Variants in SUZ12 observed in about 807,000 individuals in gnomAD.
The protein encoded by SUZ12 is polycomb protein SUZ12.
Under a neutral mutation model 87.3 loss-of-function variants are expected in SUZ12, and 17 were observed. The observed-to-expected ratio is 0.19, with a 90% CI of 0.13 to 0.29. The LOEUF (loss-of-function observed/expected upper bound fraction) is 0.29. Ranked by LOEUF, SUZ12 falls within the 10% of genes least tolerant of loss-of-function variation. SUZ12 has a pLI of 1.00. For synonymous variants in SUZ12, 253 were observed against 312.4 expected (o/e 0.81, Z 2.01); for missense variants, 526 against 912.2 (o/e 0.58, Z 5.45).
rs1450450787 is a variant in SUZ12 at position 31,993,247 on chromosome 17, A to G, written c.1207A>G (p.Lys403Glu). 1 of 1,569,604 alleles carries G rather than the reference A, an allele frequency of 6.4e-7. No homozygotes were observed. The highest frequency in any genetic ancestry group is 2.2e-5 in the Admixed American group (1 of 45,818). ...SVKPTQTIAV[K>E]ESLTTDLQTR... ...ATAAAAGTGTATGTTTTCAGCTGTTAAAGAATCATTGACTACAGATCTACA... is the reference window on the plus strand; with the variant it reads ...ATAAAAGTGTATGTTTTCAGCTGTTGAAGAATCATTGACTACAGATCTACA... Residue 403 changes from lysine (K) to glutamate (E), a missense_variant, in exon 11 of 16, where the codon AAA becomes GAA. Lys to Glu is a moderately conservative substitution (Grantham distance 56). Coordinates refer to ENST00000322652, the MANE Select transcript of SUZ12 (RefSeq NM_015355.4).
chr17:31,963,558 T>C (rs2428336), intron 4 of SUZ12, among the ~76,000 whole-genome samples: 22,524 of 151,402 alleles, frequency 0.15, 1,193 homozygotes, highest in African/African-American at 0.2. Context: ...AGTGCAGTGG[T>C]GCGATCTTGG....
In SUZ12 at chr17:31,975,478, G is replaced by T. The variant is rs1468399893; in HGVS notation, c.592-4G>T. On this transcript the variant is annotated splice_region_variant and splice_polypyrimidine_tract_variant and intron_variant, in intron 6 of 15. Transcript: ENST00000322652. ...ATATAAATTAATAATGTTTACCTTT[G>T]CAGGATGTAAGTTGTCCAATAAGGC... 2 of 1,591,230 alleles carry T rather than the reference G, an allele frequency of 1.3e-6. No homozygotes were observed. The highest frequency in any genetic ancestry group is 1.7e-6 in the Non-Finnish European group (2 of 1,167,448).
At chr17:31,975,929 A>G (rs1908721529) in intron 7 of SUZ12, among the ~76,000 whole-genome samples, 1 of 152,220 alleles carries the variant, frequency 6.6e-6, no homozygotes, top group East Asian at 1.9e-4. Context: ...CTTAGATTCA[A>G]CAATGAACAT....
At chr17:31,961,348 A>C (rs1403609730) in intron 4 of SUZ12, among the ~76,000 whole-genome samples, 1 of 152,210 alleles carries the variant, frequency 6.6e-6, no homozygotes, top group Non-Finnish European at 1.5e-5. Context: ...GGAGTTCTAG[A>C]CCAGCCTGGC....
intron 8 of SUZ12, among the ~76,000 whole-genome samples, chr17:31,982,694 T>C (rs1459129520): frequency 6.6e-6 from 1 of 152,112 alleles, no homozygotes; most frequent in Non-Finnish European, 1.5e-5. Context: ...AGCCTGTACT[T>C]ACGCTTTATA....
At chr17:31,946,118 G>A (rs1402102889) in intron 3 of SUZ12, among the ~76,000 whole-genome samples, 1 of 151,994 alleles carries the variant, frequency 6.6e-6, no homozygotes, top group Non-Finnish European at 1.5e-5. Context: ...TCTTTACTAT[G>A]GAGGCTCTTC....
At chr17:31,985,265 T>A (rs1468251935) in intron 9 of SUZ12, among the ~76,000 whole-genome samples, 1 of 151,930 alleles carries the variant, frequency 6.6e-6, no homozygotes, top group African/African-American at 2.4e-5. Context: ...ATTCAAATTT[T>A]ATATTTTTGT....
chr17:31,970,558 G>T (rs1377104530), intron 5 of SUZ12, among the ~76,000 whole-genome samples: 2 of 151,944 alleles, frequency 1.3e-5, no homozygotes, highest in Non-Finnish European at 1.5e-5. Context: ...AACCTGGGAG[G>T]TGCAGGCTGC....
chr17:31,964,999 G>A (rs1908005227), intron 4 of SUZ12, among the ~76,000 whole-genome samples: 1 of 150,472 alleles, frequency 6.6e-6, no homozygotes, highest in Admixed American at 6.6e-5. Flanking sequence ...AAGAAAAAGA[G>A]GAGTCCTGGT....
At chr17:31,993,469 T>A (rs1909824225) in intron 11 of SUZ12, 136 bp downstream of exon 11, 1 of 655,936 alleles carries the variant, frequency 1.5e-6, no homozygotes, top group South Asian at 1.9e-5. Flanking sequence ...TTGCCCAGGC[T>A]GGAGTGCAGT....
intron 3 of SUZ12, among the ~76,000 whole-genome samples, chr17:31,945,012 T>TG (rs1473137603): frequency 7.1e-5 from 10 of 141,340 alleles, no homozygotes; most frequent in African/African-American, 2.6e-4. Flanking sequence ...AAGGTTGCTA[T>TG]GAATGTGCCG....
chr17:31,952,956 C>T (rs1907078526), intron 4 of SUZ12, among the ~76,000 whole-genome samples: 1 of 152,174 alleles, frequency 6.6e-6, no homozygotes. Flanking sequence ...ATCTGAGTTG[C>T]TTCCAAGTGT....
At chr17:31,995,928 A>C (rs749006502) in intron 14 of SUZ12, among the ~76,000 whole-genome samples, 166 bp downstream of exon 14, 12 of 152,084 alleles carry the variant, frequency 7.9e-5, no homozygotes, top group Non-Finnish European at 1.3e-4. Context: ...AAGTTAACCA[A>C]GTTAGGCTGG....
chr17:31,942,396 C>T (rs1201827439), intron 3 of SUZ12, among the ~76,000 whole-genome samples: 5 of 150,718 alleles, frequency 3.3e-5, no homozygotes, highest in African/African-American at 4.9e-5. Context: ...AGTGCAATGG[C>T]GCAATCTTGG....
At position 32,000,644 on chromosome 17, in the gene SUZ12, A is replaced by AG. The variant is rs1437272344; in HGVS notation, c.*1641_*1642insG. On this transcript the variant is annotated 3_prime_UTR_variant, in exon 16 of 16. Coordinates refer to ENST00000322652, the MANE Select transcript of SUZ12 (RefSeq NM_015355.4). ...CTGTGCACATATGTAAAAAAAAAAA[A>AG]AAAAAGATTATTTTAGGGGAGATGT... 1 of 232,580 alleles carries AG rather than the reference A, an allele frequency of 4.3e-6. No homozygotes were observed. The highest frequency in any genetic ancestry group is 8.5e-6 in the Non-Finnish European group (1 of 117,584). 14.4% of individuals were successfully genotyped at this position (232,580 alleles called of 1,614,324 possible).
intron 4 of SUZ12, among the ~76,000 whole-genome samples, chr17:31,960,154 G>A (rs1296498365): frequency 6.6e-6 from 1 of 152,036 alleles, no homozygotes; most frequent in African/African-American, 2.4e-5. Flanking sequence ...CTTTTCCTTG[G>A]AACAAACCAC....
Position 31,954,036 on chromosome 17 carries a change from A to C in SUZ12, c.455+6351A>C, listed in dbSNP as rs148261793. Among the ~76,000 whole-genome samples the C allele has an allele frequency of 2.0e-5, 3 of 150,558 alleles. No homozygotes were observed. The East Asian group carries it at 6.0e-4, about 30-fold the overall frequency. On this transcript the variant is annotated intron_variant, in intron 4 of 15. Coordinates refer to ENST00000322652, the MANE Select transcript of SUZ12 (RefSeq NM_015355.4). ...TCATTTTTATTTTTAGTAGGTTGAT[A>C]AGTCAGTGTGCCTTTTTTGACTATT... is the stretch of plus-strand genomic sequence containing the variant.
chr17:31,959,892 T>C (rs1001287133), intron 4 of SUZ12, among the ~76,000 whole-genome samples: 4 of 152,208 alleles, frequency 2.6e-5, no homozygotes, highest in African/African-American at 7.2e-5. Flanking sequence ...TTTCAAATTC[T>C]TTACCTGATT....
chr17:31,977,619 A>T (rs1157421344), intron 8 of SUZ12, among the ~76,000 whole-genome samples: 1 of 151,636 alleles, frequency 6.6e-6, no homozygotes, highest in Non-Finnish European at 1.5e-5. Context: ...GGCCGGGCGC[A>T]GTGGCTCACG....
Sources: allele counts gnomAD v4.1 joint callset (sites outside exome capture counted in the v4.1 genomes callset), GRCh38; gene constraint gnomAD v4.1.1; transcripts MANE v1.5; gene names NCBI Gene and HGNC (gene_info 2026-07-23, HGNC 2026-07-21).